CCDC42: variants seen among roughly 807,000 people sequenced by gnomAD.
CCDC42 encodes coiled-coil domain-containing protein 42.
A neutral mutation model predicts 40.8 loss-of-function variants in CCDC42; 38 were observed. The observed-to-expected ratio is 0.93, with a 90% CI of 0.72 to 1.22. The LOEUF (loss-of-function observed/expected upper bound fraction) is 1.22, where lower values mean the gene tolerates loss of function less well. CCDC42 is among the 50% of genes most tolerant of loss of function. The pLI, the probability that CCDC42 is intolerant of heterozygous loss-of-function variation, is 0.00. For synonymous variants in CCDC42, 135 were observed against 157.5 expected (o/e 0.86, Z 1.07); for missense variants, 379 against 416.5 (o/e 0.91, Z 0.78).
At chr17:8,742,842 A>G (rs2086653523) in intron 3 of CCDC42, among the ~76,000 whole-genome samples, 1 of 152,212 alleles carries the variant, frequency 6.6e-6, no homozygotes, top group Non-Finnish European at 1.5e-5. Context: ...GAAGCTACTG[A>G]CCCTCTGAGA....
Position 8,743,618 on chromosome 17 carries a change from C to T in CCDC42, c.294+8G>A, listed in dbSNP as rs1258354554. 6.3e-7 allele frequency: 1 copy of T among 1,579,524 alleles called. No homozygotes were observed. The highest frequency in any genetic ancestry group is 8.7e-7 in the Non-Finnish European group (1 of 1,148,684). On this transcript the variant is annotated splice_region_variant and intron_variant, in intron 3 of 6. Transcript: ENST00000293845. The stretch of plus-strand genomic sequence containing the variant: ...CTGGCCACTGCGGCCGCCCACACCC[C>T]TTCAAACCTGGATGAACTGCTCAGA...
At chr17:8,743,839 G>T in intron 2 of CCDC42, 109 bp from the exon 3 acceptor site, 1 of 732,244 alleles carries the variant, frequency 1.4e-6, no homozygotes. Context: ...GGCCCAAGAG[G>T]GTCCATAGGA....
At chr17:8,734,152 T>C (rs1374820655) in intron 6 of CCDC42, among the ~76,000 whole-genome samples, 1 of 152,182 alleles carries the variant, frequency 6.6e-6, no homozygotes, top group Non-Finnish European at 1.5e-5. Context: ...GTTTTGAAAC[T>C]TTTTTCCATA....
chr17:8,737,793 A>C (rs2152143398), intron 4 of CCDC42, among the ~76,000 whole-genome samples: 1 of 152,310 alleles, frequency 6.6e-6, no homozygotes, highest in East Asian at 1.9e-4. Context: ...ATTGGAACAA[A>C]CCAACTGTAC....
At chr17:8,744,466 G>A (rs1294904025) in intron 1 of CCDC42, 61 bp downstream of exon 1, 7 of 1,334,758 alleles carry the variant, frequency 5.2e-6, no homozygotes, top group African/African-American at 1.4e-5. Context: ...GATGAGGTAT[G>A]GGGTGGGTGT....
At chr17:8,743,433 A>C (rs936897105) in intron 3 of CCDC42, among the ~76,000 whole-genome samples, 193 bp downstream of exon 3, 2 of 152,184 alleles carry the variant, frequency 1.3e-5, no homozygotes, top group African/African-American at 4.8e-5. Flanking sequence ...CTGATAGGTA[A>C]ATGGAAAATT....
At position 8,744,151 on chromosome 17, in the gene CCDC42, G is replaced by T. The variant is rs547643590; in HGVS notation, c.117C>A (p.Ser39=). Residue 39 remains serine, a synonymous_variant, in exon 2 of 7, where the codon TCC becomes TCA. Coordinates refer to ENST00000293845, the MANE Select transcript of CCDC42 (RefSeq NM_144681.3). ...TCTTCTCCAGTAGCCAGATGGATGG[G>T]GACTCCGACGCCCCCTCAACATTGG... ...KLPNVEGASE[S]PSIWLLEKKK... The T allele has an allele frequency of 2.8e-5, 45 of 1,613,922 alleles. 1 individual carries two copies. The South Asian group carries it at 4.8e-4, about 17-fold the overall frequency.
chr17:8,730,041 G>A lies in CCDC42; in HGVS notation c.*89C>T, dbSNP rs969349223. 3 of 1,177,254 alleles carry A rather than the reference G, an allele frequency of 2.5e-6. No individual in the cohort carries two copies. The highest frequency in any genetic ancestry group is 1.8e-5 in the Admixed American group (1 of 54,154). The allele number at this position is 1,177,254 out of a possible 1,614,324, so 72.9% of individuals were successfully genotyped here. A position where few individuals can be genotyped will look rare whatever the true frequency, so the allele number is the denominator to read the frequency against. ...TCAGCAGGAAGGCACAGCAGGCATCGGTCCCGAGCTGGACTGACTGGACCG... is the reference window on the plus strand; with the variant it reads ...TCAGCAGGAAGGCACAGCAGGCATCAGTCCCGAGCTGGACTGACTGGACCG... On this transcript the variant is annotated 3_prime_UTR_variant, in exon 7 of 7. Coordinates refer to ENST00000293845, the MANE Select transcript of CCDC42 (RefSeq NM_144681.3).
At chr17:8,741,804 T>C in intron 3 of CCDC42, 133 bp from the exon 4 acceptor site, 1 of 828,980 alleles carries the variant, frequency 1.2e-6, no homozygotes, top group Non-Finnish European at 1.9e-6. Flanking sequence ...CAGAGATTGC[T>C]GGGCCACCCA....
intron 2 of CCDC42, 90 bp from the exon 3 acceptor site, chr17:8,743,820 C>T (rs921976117): frequency 1.1e-5 from 9 of 811,718 alleles, no homozygotes; most frequent in Non-Finnish European, 1.5e-5. Flanking sequence ...CCCAGAGGCT[C>T]CATCCCCAGG....
chr17:8,736,868 G>A (rs1001103404), intron 4 of CCDC42, among the ~76,000 whole-genome samples: 5 of 151,740 alleles, frequency 3.3e-5, no homozygotes, highest in African/African-American at 7.3e-5. Context: ...GGATGCTGAA[G>A]GTAGCCTGAG....
At chr17:8,739,053 G>A (rs1175792192) in intron 4 of CCDC42, among the ~76,000 whole-genome samples, 4 of 152,146 alleles carry the variant, frequency 2.6e-5, no homozygotes, top group African/African-American at 9.7e-5. Flanking sequence ...TTGCTGTTAT[G>A]TGTGTCTCTA....
intron 4 of CCDC42, among the ~76,000 whole-genome samples, chr17:8,740,489 CAAAAA>C (rs750740758): frequency 3.4e-5 from 2 of 58,780 alleles, no homozygotes; most frequent in Non-Finnish European, 6.6e-5. Context: ...AACTCCGTCT[CAAAAA>C]AAAAAAAAAA....
chr17:8,744,213 G>A (rs1253006404), intron 1 of CCDC42, 29 bp from the exon 2 acceptor site: 1 of 1,557,754 alleles, frequency 6.4e-7, no homozygotes, highest in Non-Finnish European at 8.8e-7. Flanking sequence ...CGAGAGGGCT[G>A]TGTGTTCTGA....
Position 8,731,357 on chromosome 17 carries a change from A to G in CCDC42, c.874-1150T>C, listed in dbSNP as rs571771753. On this transcript the variant is annotated intron_variant, in intron 6 of 6. Transcript: ENST00000293845. ...TGGAAGGCAGTATGGTGATTCCTCA[A>G]AGAATTAAAATAGAACTACCATTCA... Among the ~76,000 whole-genome samples, 158 of 152,364 alleles carry G rather than the reference A, an allele frequency of 1.0e-3. 1 individual carries two copies. Among genetic ancestry groups the G allele is most frequent in the Non-Finnish European group, 9.1e-4 (62 of 68,030 alleles).
chr17:8,732,312 A>C (rs564929771), intron 6 of CCDC42, among the ~76,000 whole-genome samples: 9,359 of 147,728 alleles, frequency 0.063, 708 homozygotes, highest in African/African-American at 0.17. Flanking sequence ...AAAAAAAAAA[A>C]AAAAAAAAAA....
intron 3 of CCDC42, among the ~76,000 whole-genome samples, chr17:8,742,090 C>G: frequency 6.6e-6 from 1 of 151,990 alleles, no homozygotes; most frequent in Admixed American, 6.5e-5. Flanking sequence ...TGAGAAAAGT[C>G]CAGAAGTGGG....
chr17:8,731,643 C>T (rs12602353), intron 6 of CCDC42, among the ~76,000 whole-genome samples: 62,236 of 151,964 alleles, frequency 0.41, 13,042 homozygotes, highest in Non-Finnish European at 0.46. Flanking sequence ...AGCAAACTAA[C>T]GCAGGAACAG....
At chr17:8,742,738 T>A (rs531870505) in intron 3 of CCDC42, among the ~76,000 whole-genome samples, 89 of 152,280 alleles carry the variant, frequency 5.8e-4, no homozygotes, top group Middle Eastern at 3.4e-3. Flanking sequence ...GGAACTTTTT[T>A]AAAAATATAC....
Sources: gnomAD v4.1 joint callset for allele counts (sites outside exome capture counted in the v4.1 genomes callset) on GRCh38, gnomAD v4.1.1 for gene constraint, MANE v1.5 for transcripts, NCBI Gene and HGNC (gene_info 2026-07-23, HGNC 2026-07-21) for gene names.